Variants in PCDH15 observed in about 807,000 individuals in gnomAD.
PCDH15 encodes protocadherin related 15.
In PCDH15, 129 loss-of-function variants were observed where a neutral mutation model predicts 178.5. That is an observed-to-expected ratio of 0.72 (90% confidence interval 0.63 to 0.84). The LOEUF is 0.84. Among genes scored for constraint, PCDH15 ranks in the 40% least tolerant of loss-of-function variants. The pLI is 0.00. For synonymous variants in PCDH15, 800 were observed against 732.0 expected, an observed-to-expected ratio of 1.09 and a Z score of -1.50; for missense variants, 2,230 against 2,099.9, an observed-to-expected ratio of 1.06 and a Z score of -1.21.
At chr10:54,678,478 A>G (rs1449497617) in intron 1 of PCDH15, among the ~76,000 whole-genome samples, 1 of 152,170 alleles carries the variant, frequency 6.6e-6, no homozygotes, top group Non-Finnish European at 1.5e-5. Context: ...GGTGAGCAAC[A>G]CTAAGACTGG....
At chr10:55,626,010 T>C (rs75887849) in intron 2 of PCDH15, among the ~76,000 whole-genome samples, 1,840 of 152,130 alleles carry the variant, frequency 0.012, 36 homozygotes, top group African/African-American at 0.041. Flanking sequence ...GTCAGAGGAT[T>C]AATTTATTTT....
intron 27 of PCDH15, among the ~76,000 whole-genome samples, chr10:53,863,325 GAGA>G (rs1316252199): frequency 2.0e-5 from 3 of 152,160 alleles, no homozygotes; most frequent in South Asian, 2.1e-4. Flanking sequence ...GAAGGAGACT[GAGA>G]AGGAGTAAAC....
At position 54,315,978 on chromosome 10, in the gene PCDH15, G is replaced by GT. The variant is rs67038949; in HGVS notation, c.876+1292dup. 3.0e-3 allele frequency among the ~76,000 whole-genome samples: 434 copies of GT among 146,670 alleles called. 2 individuals are homozygous for GT. Among genetic ancestry groups the GT allele is most frequent in the African/African-American group, 6.5e-3 (262 of 40,164 alleles). On this transcript the variant is annotated intron_variant, in intron 8 of 37. Transcript: ENST00000644397. ...TTTTTGTTTTTGTTTTTTGGGTTTT[G>GT]TTTTTTTTTTTGGCTGGGATTCAAC... is the stretch of plus-strand genomic sequence containing the variant.
chr10:54,197,446 T>C (rs1167603536), intron 10 of PCDH15, among the ~76,000 whole-genome samples: 2 of 152,280 alleles, frequency 1.3e-5, no homozygotes, highest in African/African-American at 4.8e-5. Context: ...TAATAGCATA[T>C]ACATTTATTA....
intron 8 of PCDH15, among the ~76,000 whole-genome samples, chr10:54,293,602 A>G (rs2059563393): frequency 6.6e-6 from 1 of 152,174 alleles, no homozygotes; most frequent in Non-Finnish European, 1.5e-5. Context: ...ATCTACAAAG[A>G]ACTCAAACAA....
chr10:55,627,770 A>G (rs889662250), intron 1 of PCDH15: 1 of 151,862 alleles, frequency 6.6e-6, no homozygotes, highest in African/African-American at 2.4e-5. Flanking sequence ...ACCAATTGAG[A>G]AAAAAAAGGG....
chr10:55,013,811 A>G (rs1840106056), intron 2 of PCDH15, among the ~76,000 whole-genome samples: 1 of 152,156 alleles, frequency 6.6e-6, no homozygotes, highest in South Asian at 2.1e-4. Flanking sequence ...TAGGTACTTA[A>G]ACATTTTAAA....
chr10:54,910,677 A>G (rs574663278), intron 2 of PCDH15, among the ~76,000 whole-genome samples: 12 of 152,216 alleles, frequency 7.9e-5, no homozygotes, highest in African/African-American at 2.9e-4. Flanking sequence ...CTACTCCAAC[A>G]TTTTCAACTG....
At chr10:54,200,813 G>A (rs905966209) in intron 10 of PCDH15, among the ~76,000 whole-genome samples, 7 of 152,014 alleles carry the variant, frequency 4.6e-5, no homozygotes, top group African/African-American at 1.4e-4. Context: ...GCCCAGAAGT[G>A]AGGAGTTATT....
chr10:55,540,883 C>T (rs1257624350), intron 2 of PCDH15, among the ~76,000 whole-genome samples: 1 of 152,018 alleles, frequency 6.6e-6, no homozygotes, highest in African/African-American at 2.4e-5. Flanking sequence ...ATTTAAAATA[C>T]TACATATAAC....
intron 1 of PCDH15, among the ~76,000 whole-genome samples, chr10:54,718,554 A>T (rs2132464134): frequency 6.6e-6 from 1 of 152,198 alleles, no homozygotes; most frequent in African/African-American, 2.4e-5. Context: ...AAGGAGAAAA[A>T]TTCCATCCAA....
intron 3 of PCDH15, among the ~76,000 whole-genome samples, chr10:54,425,228 A>T (rs765461936): frequency 6.6e-6 from 1 of 152,094 alleles, no homozygotes; most frequent in Non-Finnish European, 1.5e-5. Flanking sequence ...AGGGGATTGG[A>T]TCATGAAAGT....
intron 8 of PCDH15, among the ~76,000 whole-genome samples, chr10:54,295,470 G>A (rs889954914): frequency 1.3e-5 from 2 of 152,138 alleles, no homozygotes; most frequent in African/African-American, 2.4e-5. Context: ...AATAAATCTT[G>A]CTGGTGCTCA....
chr10:55,623,314 G>GT (rs977032551), intron 2 of PCDH15, among the ~76,000 whole-genome samples: 7 of 152,080 alleles, frequency 4.6e-5, no homozygotes, highest in African/African-American at 1.7e-4. Flanking sequence ...GGTTGTAGTG[G>GT]TTTTTTTGTT....
chr10:55,262,725 A>AAACCTTGC (rs1286186379), intron 1 of PCDH15, among the ~76,000 whole-genome samples: 1 of 152,112 alleles, frequency 6.6e-6, no homozygotes, highest in Non-Finnish European at 1.5e-5. Flanking sequence ...TCACTCAACA[A>AAACCTTGC]AACCTTGCGC....
intron 2 of PCDH15, among the ~76,000 whole-genome samples, chr10:55,010,896 T>G (rs1156656377): frequency 6.6e-6 from 1 of 152,142 alleles, no homozygotes; most frequent in Non-Finnish European, 1.5e-5. Flanking sequence ...TTAGCAATAG[T>G]GCTTCCCTTG....
intron 2 of PCDH15, among the ~76,000 whole-genome samples, chr10:55,377,833 T>C (rs919849490): frequency 6.6e-5 from 10 of 152,082 alleles, no homozygotes; most frequent in Non-Finnish European, 1.3e-4. Context: ...ATAGACTGGA[T>C]GAAGAAAATG....
intron 7 of PCDH15, among the ~76,000 whole-genome samples, chr10:54,325,210 A>T (rs1937673442): frequency 6.6e-6 from 1 of 152,162 alleles, no homozygotes; most frequent in Admixed American, 6.6e-5. Context: ...GATAAAAAGA[A>T]ACCTCCAAAC....
chr10:54,198,394 A>C (rs909303373), intron 10 of PCDH15, among the ~76,000 whole-genome samples: 1 of 149,938 alleles, frequency 6.7e-6, no homozygotes, highest in Admixed American at 6.7e-5. Context: ...CCTCTGCTTC[A>C]CTCTTACAGG....
Sources: allele counts gnomAD v4.1 joint callset (sites outside exome capture counted in the v4.1 genomes callset), GRCh38; gene constraint gnomAD v4.1.1; transcripts MANE v1.5; gene names NCBI Gene and HGNC (gene_info 2026-07-23, HGNC 2026-07-21).